The following TLR6 variants were observed in gnomAD, a reference collection of about 807,000 sequenced individuals.
TLR6 encodes the protein toll like receptor 6.
A neutral mutation model predicts 16.1 loss-of-function variants in TLR6; 9 were observed. The ratio of observed to expected loss-of-function variants is 0.56; its 90% CI spans 0.34 to 0.98. The LOEUF (loss-of-function observed/expected upper bound fraction) is 0.98, where lower values mean the gene tolerates loss of function less well. TLR6 is among the 50% of genes least tolerant of loss of function. The pLI, the probability that TLR6 is intolerant of heterozygous loss-of-function variation, is 0.02. For synonymous variants in TLR6, 340 were observed against 338.6 expected (o/e 1.00, Z -0.04); for missense variants, 786 against 921.0 (o/e 0.85, Z 1.90).
chr4:38,838,325 C>G (rs1712042329), intron 1 of TLR6, among the ~76,000 whole-genome samples: 1 of 152,114 alleles, frequency 6.6e-6, no homozygotes, highest in Admixed American at 6.5e-5. Flanking sequence ...TCCACAATAG[C>G]CAAAATATGG....
intron 1 of TLR6, among the ~76,000 whole-genome samples, chr4:38,835,683 T>C (rs546328086): frequency 6.6e-6 from 1 of 152,302 alleles, no homozygotes; most frequent in South Asian, 2.1e-4. Flanking sequence ...TTCTCATCAG[T>C]GCATGGAACA....
exon 2 of TLR6, chr4:38,827,099 T>C (rs1180898696): frequency 6.3e-7 from 1 of 1,584,514 alleles, no homozygotes; most frequent in Non-Finnish European, 8.6e-7. Context: ...TTTCACATCA[T>C]TGTTTTCAGT....
At chr4:38,846,882 A>G (rs530556807) in intron 1 of TLR6, among the ~76,000 whole-genome samples, 1 of 152,232 alleles carries the variant, frequency 6.6e-6, no homozygotes, top group Admixed American at 6.5e-5. Flanking sequence ...AAGTATATAT[A>G]TTATAAAATT....
intron 1 of TLR6, among the ~76,000 whole-genome samples, chr4:38,855,323 C>T (rs1303562417): frequency 1.3e-5 from 2 of 151,700 alleles, no homozygotes; most frequent in African/African-American, 2.4e-5. Flanking sequence ...TGAAATATAC[C>T]AAATACTAAT....
intron 1 of TLR6, among the ~76,000 whole-genome samples, chr4:38,851,695 T>C (rs1712780065): frequency 6.6e-6 from 1 of 152,154 alleles, no homozygotes; most frequent in Non-Finnish European, 1.5e-5. Flanking sequence ...GTGAAGGACC[T>C]CTTCAAGGAG....
chr4:38,863,000 C>T, the TLR6 span, among the ~76,000 whole-genome samples: 1 of 149,832 alleles, frequency 6.7e-6, no homozygotes, highest in Non-Finnish European at 1.5e-5. Flanking sequence ...CTCTATATAC[C>T]AGAACTCCTT....
chr4:38,823,247 A>C (rs569086612), downstream of TLR6, among the ~76,000 whole-genome samples: 10 of 152,194 alleles, frequency 6.6e-5, no homozygotes, highest in Non-Finnish European at 1.5e-4. Flanking sequence ...TATTTTTACC[A>C]TACCCTTGCT....
At chr4:38,858,702 A>C (rs1255107807), upstream of TLR6, among the ~76,000 whole-genome samples, 1 of 149,952 alleles carries the variant, frequency 6.7e-6, no homozygotes, top group Non-Finnish European at 1.5e-5. Flanking sequence ...CCTGGGCAAC[A>C]GAGTGAGACT....
At chr4:38,850,407 C>T (rs573211492) in intron 1 of TLR6, among the ~76,000 whole-genome samples, 1 of 152,112 alleles carries the variant, frequency 6.6e-6, no homozygotes, top group South Asian at 2.1e-4. Flanking sequence ...GATAGAGACA[C>T]AAAACACCCT....
the TLR6 span, among the ~76,000 whole-genome samples, chr4:38,862,196 G>A: frequency 6.1e-4 from 93 of 152,030 alleles, no homozygotes; most frequent in African/African-American, 2.1e-3. Flanking sequence ...TCCCCTTCCT[G>A]CTCATCTACT....
At chr4:38,847,051 C>T (rs1233533102) in intron 1 of TLR6, among the ~76,000 whole-genome samples, 4 of 151,948 alleles carry the variant, frequency 2.6e-5, no homozygotes, top group South Asian at 4.1e-4. Flanking sequence ...TAGAAATGGT[C>T]TATCATTAAC....
chr4:38,841,934 T>C (rs929689050), intron 1 of TLR6, among the ~76,000 whole-genome samples: 3 of 152,382 alleles, frequency 2.0e-5, no homozygotes, highest in Admixed American at 6.5e-5. Context: ...TGTTTTCATA[T>C]GTTTCTCAAA....
chr4:38,825,154 C>A (rs1197766014), exon 2 of TLR6: 1 of 152,188 alleles, frequency 6.6e-6, no homozygotes, highest in Non-Finnish European at 1.5e-5. Flanking sequence ...TTTTCTCTAA[C>A]CATTGCCTTA....
upstream of TLR6, among the ~76,000 whole-genome samples, chr4:38,861,602 T>C (rs182609503): frequency 1.1e-4 from 16 of 152,296 alleles, no homozygotes; most frequent in African/African-American, 3.4e-4. Context: ...AGTGGCTGAA[T>C]ATAGTTGGAG....
chr4:38,829,332 T>G, exon 2 of TLR6: 2 of 1,614,158 alleles, frequency 1.2e-6, no homozygotes, highest in Non-Finnish European at 1.7e-6. Flanking sequence ...GGTAGGTCTT[T>G]TGGAACATGA....
intron 1 of TLR6, among the ~76,000 whole-genome samples, chr4:38,854,914 T>C (rs1712913601): frequency 6.6e-6 from 1 of 152,088 alleles, no homozygotes; most frequent in African/African-American, 2.4e-5. Context: ...ATGAATACAG[T>C]AATAGAAAAT....
At chr4:38,855,709 C>CA (rs2109477154) in intron 1 of TLR6, among the ~76,000 whole-genome samples, 1 of 152,152 alleles carries the variant, frequency 6.6e-6, no homozygotes, top group East Asian at 1.9e-4. Flanking sequence ...CACAAAAACG[C>CA]AATATTCCTC....
At chr4:38,868,132 GC>G in the TLR6 span, 1 of 241,796 alleles carries the variant, frequency 4.1e-6, no homozygotes, top group South Asian at 4.7e-5. Flanking sequence ...CTCAGGGTCT[GC>G]CCCCTCGGCC....
In TLR6 at chr4:38,855,475, T is replaced by C. The variant is rs577341141; in HGVS notation, c.-65+1286A>G. On this transcript the variant is annotated intron_variant, in intron 1 of 1. Transcript: ENST00000436693. ...TAAGGCAATTTAAGAGTTGTCTTTA[T>C]AGCTGTGTGAAAATATTTTATATTT... Among the ~76,000 whole-genome samples the C allele has an allele frequency of 5.9e-5, 9 of 152,328 alleles. No homozygotes were observed. In the South Asian group the frequency reaches 1.7e-3, roughly 28 times the overall value.
Sources: allele counts gnomAD v4.1 joint callset (sites outside exome capture counted in the v4.1 genomes callset), GRCh38; gene constraint gnomAD v4.1.1; transcripts MANE v1.5; gene names NCBI Gene and HGNC (gene_info 2026-07-23, HGNC 2026-07-21).